Variants in CACNA1B observed in about 807,000 individuals in gnomAD.
The protein encoded by CACNA1B is voltage-dependent N-type calcium channel subunit alpha-1B.
CACNA1B carries 70 observed loss-of-function variants against 247.2 expected under a neutral mutation model. That is an observed-to-expected ratio of 0.28 (90% CI 0.23 to 0.35). The LOEUF is 0.35. Ranked by LOEUF, CACNA1B falls within the 10% of genes least tolerant of loss-of-function variation. The pLI is 1.00. For missense variants in CACNA1B, 2,367 were observed against 3,197.4 expected, an observed-to-expected ratio of 0.74 and a Z score of 6.26; for synonymous variants, 1,231 against 1,294.4, an observed-to-expected ratio of 0.95 and a Z score of 1.05.
chr9:138,025,622 A>G (rs1332329047), intron 20 of CACNA1B, among the ~76,000 whole-genome samples: 1 of 152,178 alleles, frequency 6.6e-6, no homozygotes, highest in African/African-American at 2.4e-5. Context: ...CCATTTGTTC[A>G]TGGGCCTGTG....
chr9:137,928,818 T>C (rs1228499438), intron 6 of CACNA1B, among the ~76,000 whole-genome samples: 1 of 152,220 alleles, frequency 6.6e-6, no homozygotes, highest in East Asian at 1.9e-4. Flanking sequence ...TGGCAAGCAC[T>C]AACCTTTCTG....
rs903303161 is a variant in CACNA1B, at chr9:137,973,629, GTC to G, written c.1543+2041_1543+2042del. On this transcript the variant is annotated intron_variant, in intron 11 of 46. Transcript: ENST00000371372. This position sits in a 1 kb window ranked among gnomAD's most constrained non-coding sequence, Gnocchi z 4.1. ...AGACAAAACCTGGTTTTAGTGATCT[GTC>G]TCTGTTTCCCCCTCAGCTTGTGAAC... 6.6e-6 allele frequency among the ~76,000 whole-genome samples: 1 copy of G among 152,204 alleles called. No homozygotes were observed. Among genetic ancestry groups the G allele is most frequent in the African/African-American group, 2.4e-5 (1 of 41,456 alleles).
chr9:137,967,594 G>A (rs1226977626), intron 10 of CACNA1B, among the ~76,000 whole-genome samples: 1 of 152,230 alleles, frequency 6.6e-6, no homozygotes, highest in Non-Finnish European at 1.5e-5. Flanking sequence ...GAATGGGGGT[G>A]TTGGTGGTGG....
chr9:137,963,309 A>G (rs1233203126), intron 10 of CACNA1B, among the ~76,000 whole-genome samples: 1 of 152,192 alleles, frequency 6.6e-6, no homozygotes, highest in Non-Finnish European at 1.5e-5. Context: ...AAGACAACAT[A>G]CTGATGGGTA....
intron 6 of CACNA1B, among the ~76,000 whole-genome samples, chr9:137,920,460 G>A (rs893871101): frequency 5.9e-5 from 9 of 152,202 alleles, no homozygotes; most frequent in Non-Finnish European, 1.3e-4. Flanking sequence ...GCCTCCCAAA[G>A]TGCTGGGATG....
chr9:138,007,842 C>T lies in CACNA1B; in HGVS notation c.2092+958C>T, dbSNP rs1325039865. ...CCCCGAACTTCTCACACACGATGGC[C>T]ACTCCACCCCGTCTGTCTGTCCTCG... On this transcript the variant is annotated intron_variant, in intron 16 of 46. Transcript: ENST00000371372. The surrounding 1 kb of genome is among the most constrained non-coding windows in gnomAD (Gnocchi z 4.1). Among the ~76,000 whole-genome samples the T allele has an allele frequency of 6.6e-6, 1 of 152,234 alleles. No individual in the cohort carries two copies. Among genetic ancestry groups the T allele is most frequent in the Admixed American group, 6.5e-5 (1 of 15,288 alleles).
At position 137,971,730 on chromosome 9, in the gene CACNA1B, G is replaced by A. The variant is rs557477331; in HGVS notation, c.1543+138G>A. 2.1e-5 allele frequency: 15 copies of A among 730,844 alleles called. No homozygotes were observed. The African/African-American group carries it at 2.4e-4, about 12-fold the overall frequency. 45.3% of individuals were successfully genotyped at this position (730,844 alleles called of 1,614,324 possible). A position where few individuals can be genotyped will look rare whatever the true frequency, so the allele number is the denominator to read the frequency against. The stretch of plus-strand genomic sequence containing the variant: ...TTGCTCAAAGTATCCCACAGCCCTA[G>A]TCAGCCTCCAGGAGCCTCTGTGGGG... On this transcript the variant is annotated intron_variant, in intron 11 of 46. Coordinates refer to ENST00000371372, the MANE Select transcript of CACNA1B (RefSeq NM_000718.4). This position sits in a 1 kb window ranked among gnomAD's most constrained non-coding sequence, Gnocchi z 4.4.
chr9:137,943,087 A>G (rs1404641604), intron 6 of CACNA1B, among the ~76,000 whole-genome samples: 1 of 150,822 alleles, frequency 6.6e-6, no homozygotes, highest in Non-Finnish European at 1.5e-5. Context: ...ACTTTTGTAA[A>G]GCCTGCTGAA....
intron 6 of CACNA1B, among the ~76,000 whole-genome samples, chr9:137,923,329 G>GGTATTCCGTGGTGCCAGGTA (rs1463449528): frequency 6.7e-6 from 1 of 149,664 alleles, no homozygotes; most frequent in East Asian, 2.0e-4. Flanking sequence ...GGCTCCAGGT[G>GGTATTCCGTGGTGCCAGGTA]GTATTCCGTG....
intron 34 of CACNA1B, among the ~76,000 whole-genome samples, chr9:138,074,458 A>G (rs1445874537): frequency 2.0e-5 from 3 of 152,088 alleles, no homozygotes; most frequent in Admixed American, 1.3e-4. Context: ...CCAGGCTGGT[A>G]TTGAACTCCT....
At chr9:137,926,854 T>C (rs975705876) in intron 6 of CACNA1B, among the ~76,000 whole-genome samples, 1 of 152,236 alleles carries the variant, frequency 6.6e-6, no homozygotes, top group African/African-American at 2.4e-5. Flanking sequence ...AAGAAATGTC[T>C]GTTGGAGTTC....
chr9:137,983,954 C>T (rs549414377), intron 12 of CACNA1B, among the ~76,000 whole-genome samples, 184 bp from the exon 13 acceptor site: 1 of 152,176 alleles, frequency 6.6e-6, no homozygotes, highest in East Asian at 1.9e-4. Flanking sequence ...TAGCCTTTCC[C>T]AAAGGTTCCA....
chr9:138,052,124 A>G lies in CACNA1B; in HGVS notation c.3743A>G (p.Lys1248Arg). Residue 1248 changes from lysine to arginine, a missense_variant, in exon 25 of 47, where the codon AAG (lysine) becomes AGG (arginine). By Grantham distance (26) the Lys-to-Arg change is conservative. This residue lies in a region of CACNA1B where 436 missense variants were observed against 679.5 expected (regional missense o/e 0.64). Transcript: ENST00000371372. This position sits in a 1 kb window ranked among gnomAD's most constrained non-coding sequence, Gnocchi z 5.1. ...GSKGKDINTI[K>R]SLRVLRVLRP... ...AAAGGGAAAGACATCAATACCATCAAGTCTCTGAGAGTCCTTCGTGTCCTG... is the reference window on the plus strand; with the variant it reads ...AAAGGGAAAGACATCAATACCATCAGGTCTCTGAGAGTCCTTCGTGTCCTG... 2 of 1,611,888 alleles carry G rather than the reference A, an allele frequency of 1.2e-6. No individual in the cohort carries two copies. The highest frequency in any genetic ancestry group is 1.7e-6 in the Non-Finnish European group (2 of 1,178,258).
chr9:138,082,574 C>T (rs1218801187), intron 36 of CACNA1B, among the ~76,000 whole-genome samples: 1 of 151,284 alleles, frequency 6.6e-6, no homozygotes, highest in Non-Finnish European at 1.5e-5. Context: ...TTTACACTTC[C>T]ATTTAGGTTA....
intron 3 of CACNA1B, among the ~76,000 whole-genome samples, chr9:137,907,939 T>G (rs903874643): frequency 6.6e-6 from 1 of 152,216 alleles, no homozygotes; most frequent in African/African-American, 2.4e-5. Flanking sequence ...TGCTCCACCC[T>G]TTTTCCATGA....
chr9:138,044,444 G>A (rs7030005), intron 21 of CACNA1B, among the ~76,000 whole-genome samples: 2,864 of 152,362 alleles, frequency 0.019, 104 homozygotes, highest in African/African-American at 0.065. Context: ...AAGCCTGTGT[G>A]CTGGTGGGAG....
chr9:138,096,308 G>A (rs978118997), intron 36 of CACNA1B, among the ~76,000 whole-genome samples, 176 bp from the exon 37 acceptor site: 1 of 152,058 alleles, frequency 6.6e-6, no homozygotes, highest in South Asian at 2.1e-4. Flanking sequence ...CCAGAACCCC[G>A]TGAAGGCAGG....
chr9:138,046,248 T>C (rs898695695), intron 21 of CACNA1B, among the ~76,000 whole-genome samples: 3 of 152,184 alleles, frequency 2.0e-5, no homozygotes, highest in African/African-American at 7.2e-5. Context: ...TGCTCAGTAA[T>C]GTTGAACAAG....
intron 6 of CACNA1B, among the ~76,000 whole-genome samples, chr9:137,945,020 G>A (rs1448765857): frequency 1.3e-5 from 2 of 152,132 alleles, no homozygotes; most frequent in South Asian, 4.1e-4. Flanking sequence ...TTGGGTTTTG[G>A]TATAGGGCCA....
Sources: gnomAD v4.1 joint callset for allele counts (sites outside exome capture counted in the v4.1 genomes callset) on GRCh38, gnomAD v4.1.1 for gene constraint, gnomAD v4.1.1 regional missense constraint, Gnocchi (gnomAD v3.1) non-coding constraint, MANE v1.5 for transcripts, NCBI Gene and HGNC (gene_info 2026-07-23, HGNC 2026-07-21) for gene names.